Variants in MAD1L1 observed in about 807,000 individuals in gnomAD.
MAD1L1 encodes the protein mitotic spindle assembly checkpoint protein MAD1.
MAD1L1 carries 95 observed loss-of-function variants against 96.9 expected under a neutral mutation model. The observed-to-expected ratio is 0.98, with a 90% CI of 0.83 to 1.16. MAD1L1 has a LOEUF of 1.16. Ranked by LOEUF, MAD1L1 falls within the 50% of genes most tolerant of loss-of-function variation. The pLI, the probability that MAD1L1 is intolerant of heterozygous loss-of-function variation, is 0.00. For synonymous variants in MAD1L1, 473 were observed against 396.6 expected (o/e 1.19, Z -2.29); for missense variants, 1,007 against 954.4 (o/e 1.06, Z -0.73).
At position 1,816,214 on chromosome 7, in the gene MAD1L1, C is replaced by T. The variant is rs370594384; in HGVS notation, c.2013G>A (p.Ser671=). 43 of 1,612,464 alleles carry T rather than the reference C, an allele frequency of 2.7e-5. No individual in the cohort carries two copies. The highest frequency in any genetic ancestry group is 1.3e-4 in the East Asian group (6 of 44,806). ...TCTCCAGTAGCTGCATCTTGGAACCCGAGGGGCTGGTGGCCTGCGGGGCAG... is the reference window on the plus strand; with the variant it reads ...TCTCCAGTAGCTGCATCTTGGAACCTGAGGGGCTGGTGGCCTGCGGGGCAG... ...DCLIFKATSP[S]GSKMQLLETE... is the part of the protein sequence containing the mutation. Residue 671 remains serine, a synonymous_variant, in exon 19 of 19, where the codon TCG becomes TCA. Transcript: ENST00000265854.
chr7:1,919,972 G>A (rs1489909865), intron 17 of MAD1L1, among the ~76,000 whole-genome samples: 4 of 152,086 alleles, frequency 2.6e-5, no homozygotes, highest in South Asian at 2.1e-4. Flanking sequence ...TCCACCCAAC[G>A]CTTATAGAGG....
chr7:2,068,184 C>T (rs1052364376), intron 12 of MAD1L1, among the ~76,000 whole-genome samples: 1 of 152,200 alleles, frequency 6.6e-6, no homozygotes, highest in Admixed American at 6.5e-5. Flanking sequence ...GCTTTGGGGT[C>T]AGCATCTGAG....
chr7:2,162,591 T>TAA (rs1333798316), intron 10 of MAD1L1, among the ~76,000 whole-genome samples: 2 of 109,982 alleles, frequency 1.8e-5, no homozygotes, highest in African/African-American at 3.8e-5. Context: ...CAATAAATAC[T>TAA]AAAAAAAAAA....
At position 1,989,981 on chromosome 7, in the gene MAD1L1, G is replaced by A. The variant is rs1427307884; in HGVS notation, c.1417-9440C>T. 4.6e-5 allele frequency among the ~76,000 whole-genome samples: 7 copies of A among 152,362 alleles called. No homozygotes were observed. The East Asian group carries it at 1.3e-3, about 29-fold the overall frequency. On this transcript the variant is annotated intron_variant, in intron 14 of 18. Coordinates refer to ENST00000265854, the MANE Select transcript of MAD1L1 (RefSeq NM_001013836.2). ...TCGGTTTAATTTGGGAAGATGCAGG[G>A]TGTGCTCCCAGGGGCCTTCCCTAAT...
At chr7:2,094,097 G>A (rs73034420) in intron 11 of MAD1L1, among the ~76,000 whole-genome samples, 4,117 of 152,322 alleles carry the variant, frequency 0.027, 95 homozygotes, top group South Asian at 0.089. Context: ...GAGCCCGCTG[G>A]GAGCACACGC....
At chr7:2,182,116 A>T (rs1310614708) in intron 10 of MAD1L1, among the ~76,000 whole-genome samples, 1 of 152,162 alleles carries the variant, frequency 6.6e-6, no homozygotes, top group Non-Finnish European at 1.5e-5. Flanking sequence ...TTCCCCAAAA[A>T]CTATTGAAAT....
rs1368317274 is a variant in MAD1L1, at chr7:2,076,209, A to G, written c.1074-6871T>C. Among the ~76,000 whole-genome samples the G allele has an allele frequency of 3.3e-5, 5 of 152,228 alleles. No individual in the cohort carries two copies. In the East Asian group the frequency reaches 7.7e-4, roughly 23 times the overall value. On this transcript the variant is annotated intron_variant, in intron 11 of 18. Transcript: ENST00000265854. ...AGGGCAAAACCAGCACGTTTTGGGC[A>G]GTGCACAGAATGCCTGTGTCGTCCC...
chr7:1,987,468 C>T (rs1472512739), intron 14 of MAD1L1, among the ~76,000 whole-genome samples: 5 of 152,202 alleles, frequency 3.3e-5, no homozygotes, highest in African/African-American at 4.8e-5. Context: ...CGAAGAGAGC[C>T]GCCCATGCTG....
chr7:2,038,615 CA>C (rs1203298119), intron 12 of MAD1L1, among the ~76,000 whole-genome samples: 1 of 145,384 alleles, frequency 6.9e-6, no homozygotes, highest in East Asian at 2.1e-4. Flanking sequence ...TGGGTTCAAG[CA>C]ATTCTCCTGC....
rs974814148 is a variant in MAD1L1, at chr7:2,119,830, T to C, written c.1073+29322A>G. 1.3e-5 allele frequency among the ~76,000 whole-genome samples: 2 copies of C among 152,176 alleles called. No homozygotes were observed. Among genetic ancestry groups the C allele is most frequent in the South Asian group, 4.1e-4 (2 of 4,836 alleles). ...CAACTGTTCCAGACCCCTAGGCTCT[T>C]TCCTGCTGGCTCCTCGCTGGGGTCC... On this transcript the variant is annotated intron_variant, in intron 11 of 18. Transcript: ENST00000265854. This position sits in a 1 kb window ranked among gnomAD's most constrained non-coding sequence, Gnocchi z 4.6.
At chr7:1,903,810 T>C (rs1186113247) in intron 17 of MAD1L1, among the ~76,000 whole-genome samples, 1 of 143,406 alleles carries the variant, frequency 7.0e-6, no homozygotes, top group African/African-American at 2.8e-5. Flanking sequence ...CAGTGGCCTA[T>C]GAAAGATGCT....
At chr7:2,083,376 T>G (rs1785750134) in intron 11 of MAD1L1, among the ~76,000 whole-genome samples, 1 of 152,208 alleles carries the variant, frequency 6.6e-6, no homozygotes, top group Non-Finnish European at 1.5e-5. Context: ...CTCTTGAACT[T>G]TAAGAACTGA....
intron 5 of MAD1L1, 35 bp downstream of exon 5, chr7:2,222,540 A>C: frequency 6.6e-7 from 1 of 1,515,008 alleles, no homozygotes; most frequent in Non-Finnish European, 8.8e-7. Context: ...TCTCCTCGGG[A>C]AAACAGCTCC....
chr7:2,183,392 C>A (rs1791297525), intron 10 of MAD1L1, among the ~76,000 whole-genome samples: 1 of 152,126 alleles, frequency 6.6e-6, no homozygotes. Flanking sequence ...AGAAAGAAAG[C>A]AAACCAATAC....
intron 17 of MAD1L1, among the ~76,000 whole-genome samples, chr7:1,923,436 C>T (rs989519681): frequency 1.4e-4 from 22 of 151,904 alleles, no homozygotes; most frequent in African/African-American, 1.2e-4. Context: ...GGCAATCCTG[C>T]GCTCTTCCGC....
chr7:1,849,147 T>TGC (rs1408486969), intron 18 of MAD1L1: 2 of 88,822 alleles, frequency 2.3e-5, no homozygotes, highest in Non-Finnish European at 4.8e-5. Context: ...CGTACACACA[T>TGC]GCACACACAC....
chr7:2,165,312 G>A (rs1489215838), intron 10 of MAD1L1, among the ~76,000 whole-genome samples: 2 of 152,246 alleles, frequency 1.3e-5, no homozygotes, highest in Non-Finnish European at 2.9e-5. Flanking sequence ...GGACTGGGGG[G>A]ACCCCGGGAA....
intron 12 of MAD1L1, among the ~76,000 whole-genome samples, chr7:2,045,714 T>A (rs890904081): frequency 2.0e-5 from 3 of 151,748 alleles, no homozygotes; most frequent in Admixed American, 2.0e-4. Flanking sequence ...TCTAACAGGA[T>A]TCCTTGAAGG....
chr7:2,013,381 G>C (rs1436837070), intron 13 of MAD1L1, among the ~76,000 whole-genome samples: 1 of 152,266 alleles, frequency 6.6e-6, no homozygotes, highest in Non-Finnish European at 1.5e-5. Flanking sequence ...AGACCAAAGA[G>C]CTCACAGAGC....
Sources: gnomAD v4.1 joint callset for allele counts (sites outside exome capture counted in the v4.1 genomes callset) on GRCh38, gnomAD v4.1.1 for gene constraint, Gnocchi (gnomAD v3.1) non-coding constraint, MANE v1.5 for transcripts, NCBI Gene and HGNC (gene_info 2026-07-23, HGNC 2026-07-21) for gene names.